RBFOX1: variants seen among roughly 807,000 people sequenced by gnomAD.
The protein encoded by RBFOX1 is RNA binding protein fox-1 homolog 1.
RBFOX1 carries 8 observed loss-of-function variants against 57.7 expected under a neutral mutation model. The ratio of observed to expected loss-of-function variants is 0.14; its 90% CI spans 0.08 to 0.25. The LOEUF (loss-of-function observed/expected upper bound fraction) is 0.25. RBFOX1 is among the 10% of genes least tolerant of loss of function. The pLI, the probability that RBFOX1 is intolerant of heterozygous loss-of-function variation, is 1.00. For missense variants in RBFOX1, 611 were observed against 548.5 expected, an observed-to-expected ratio of 1.11 and a Z score of -1.14; for synonymous variants, 326 against 222.4, an observed-to-expected ratio of 1.47 and a Z score of -4.15.
At chr16:7,034,023 G>C (rs988421312) in intron 3 of RBFOX1, among the ~76,000 whole-genome samples, 2 of 152,154 alleles carry the variant, frequency 1.3e-5, no homozygotes, top group African/African-American at 4.8e-5. Flanking sequence ...GTGAATACTT[G>C]GATTTCTCTC....
rs574908559 is a variant in RBFOX1, at chr16:7,084,248, A to G, written c.27+32150A>G. On this transcript the variant is annotated intron_variant, in intron 4 of 15. Transcript: ENST00000550418. ...GGTCAAATGGACTATATATGTATAT[A>G]TGTGTGTGTGTGTATAGAGGTATGA... is the stretch of plus-strand genomic sequence containing the variant. 7.6e-4 allele frequency among the ~76,000 whole-genome samples: 116 copies of G among 152,120 alleles called. 2 individuals are homozygous for G. Among genetic ancestry groups the G allele is most frequent in the African/African-American group, 2.7e-3 (112 of 41,508 alleles).
chr16:5,764,652 A>G (rs1036381499), intron 3 of RBFOX1, among the ~76,000 whole-genome samples: 9 of 152,140 alleles, frequency 5.9e-5, no homozygotes, highest in Admixed American at 2.6e-4. Flanking sequence ...GAAAGAGGCA[A>G]TTATCAGTAA....
At chr16:6,391,249 C>T (rs1390197920) in intron 2 of RBFOX1, among the ~76,000 whole-genome samples, 7 of 152,156 alleles carry the variant, frequency 4.6e-5, no homozygotes, top group Non-Finnish European at 7.4e-5. Context: ...GTGGCTCACG[C>T]CTGTAATCCC....
intron 3 of RBFOX1, among the ~76,000 whole-genome samples, chr16:6,786,965 G>C (rs2082072510): frequency 6.6e-6 from 1 of 151,976 alleles, no homozygotes; most frequent in African/African-American, 2.4e-5. Flanking sequence ...TCATGACCAT[G>C]TCTCCCTCTG....
At chr16:6,668,217 T>C (rs903179468) in intron 3 of RBFOX1, among the ~76,000 whole-genome samples, 1 of 152,138 alleles carries the variant, frequency 6.6e-6, no homozygotes, top group African/African-American at 2.4e-5. Context: ...GTCATATTGA[T>C]TGTGGCGGCA....
chr16:5,908,274 A>C (rs1342912141), intron 4 of RBFOX1, among the ~76,000 whole-genome samples: 1 of 149,322 alleles, frequency 6.7e-6, no homozygotes, highest in African/African-American at 2.5e-5. Context: ...ACATATATAT[A>C]CATACATATA....
chr16:7,029,061 T>TATACATATATATATATATATATATATAC (rs1311760824), intron 3 of RBFOX1, among the ~76,000 whole-genome samples: 3 of 30,914 alleles, frequency 9.7e-5, no homozygotes, highest in Non-Finnish European at 1.5e-4. Flanking sequence ...TATATATATA[T>TATACATATATATATATATATATATATAC]ATATATATAT....
intron 3 of RBFOX1, among the ~76,000 whole-genome samples, chr16:5,777,675 GACTT>G (rs1214961435): frequency 6.6e-6 from 1 of 152,168 alleles, no homozygotes; most frequent in Non-Finnish European, 1.5e-5. Flanking sequence ...GTTGTTGTGA[GACTT>G]AATTAAGGTA....
intron 1 of RBFOX1, among the ~76,000 whole-genome samples, chr16:6,113,946 TATCCAGCTGTTCTAAATAG>T (rs1221748035): frequency 6.6e-6 from 1 of 152,224 alleles, no homozygotes; most frequent in East Asian, 1.9e-4. Context: ...CTAGGGCTGG[TATCCAGCTGTTCTAAATAG>T]AGCAGGTTTC....
intron 4 of RBFOX1, among the ~76,000 whole-genome samples, chr16:5,874,142 G>A (rs921759297): frequency 7.2e-5 from 11 of 152,200 alleles, no homozygotes; most frequent in South Asian, 2.1e-4. Flanking sequence ...TTTGGCAGTC[G>A]TGCCATCATT....
chr16:6,127,038 G>T (rs1389380727), intron 1 of RBFOX1, among the ~76,000 whole-genome samples: 3 of 152,188 alleles, frequency 2.0e-5, no homozygotes, highest in Non-Finnish European at 1.5e-5. Context: ...CTAAGGCTTA[G>T]AGAGGGGGAA....
intron 1 of RBFOX1, among the ~76,000 whole-genome samples, chr16:5,243,495 G>T (rs1212068981): frequency 1.3e-5 from 2 of 152,170 alleles, no homozygotes; most frequent in Admixed American, 6.5e-5. Context: ...GAGACCATTC[G>T]TGGTGCTGGT....
At chr16:7,310,036 G>A (rs1359320388) in intron 4 of RBFOX1, among the ~76,000 whole-genome samples, 1 of 152,242 alleles carries the variant, frequency 6.6e-6, no homozygotes, top group Non-Finnish European at 1.5e-5. Context: ...CGTGGCTGTT[G>A]GCATGATGCA....
At chr16:6,428,412 G>A (rs972229785) in intron 2 of RBFOX1, among the ~76,000 whole-genome samples, 7 of 152,042 alleles carry the variant, frequency 4.6e-5, no homozygotes, top group African/African-American at 1.7e-4. Context: ...TTTACTGGGT[G>A]GAATACAAAA....
intron 4 of RBFOX1, among the ~76,000 whole-genome samples, chr16:7,179,869 G>T (rs974655383): frequency 2.6e-5 from 4 of 151,822 alleles, no homozygotes; most frequent in Non-Finnish European, 4.4e-5. Context: ...TGAATAGCTG[G>T]GATAACAGAC....
intron 4 of RBFOX1, among the ~76,000 whole-genome samples, chr16:5,965,397 A>T (rs1209899301): frequency 6.6e-6 from 1 of 152,204 alleles, no homozygotes; most frequent in Admixed American, 6.5e-5. Context: ...TCAAAACATC[A>T]TGAGGTACAT....
chr16:5,989,843 A>AACACACACACACACACACACAC (rs199624083), intron 4 of RBFOX1, among the ~76,000 whole-genome samples: 4 of 20,748 alleles, frequency 1.9e-4, no homozygotes, highest in South Asian at 3.2e-3. Flanking sequence ...AACACCCCCT[A>AACACACACACACACACACACAC]ACACACACAC....
chr16:5,865,309 C>T (rs2057320368), intron 3 of RBFOX1, among the ~76,000 whole-genome samples: 1 of 152,118 alleles, frequency 6.6e-6, no homozygotes, highest in Admixed American at 6.5e-5. Flanking sequence ...GGCTGATCAC[C>T]ATGGAATCAG....
intron 1 of RBFOX1, among the ~76,000 whole-genome samples, chr16:5,390,931 G>C (rs143659665): frequency 7.9e-5 from 12 of 152,312 alleles, no homozygotes; most frequent in African/African-American, 2.6e-4. Context: ...CTAGATGCCA[G>C]TGGTGCGTTT....
Sources: gnomAD v4.1 joint callset for allele counts (sites outside exome capture counted in the v4.1 genomes callset) on GRCh38, gnomAD v4.1.1 for gene constraint, MANE v1.5 for transcripts, NCBI Gene and HGNC (gene_info 2026-07-23, HGNC 2026-07-21) for gene names.